Variants in FSTL4 observed in about 807,000 individuals in gnomAD.
FSTL4 encodes the protein follistatin-related protein 4.
FSTL4 carries 28 observed loss-of-function variants against 78.2 expected under a neutral mutation model. The ratio of observed to expected loss-of-function variants is 0.36; its 90% CI spans 0.27 to 0.49. FSTL4 has a LOEUF of 0.49. Among genes scored for constraint, FSTL4 ranks in the 20% least tolerant of loss-of-function variants. The pLI is 0.98. For missense variants in FSTL4, 922 were observed against 1,084.9 expected (o/e 0.85, Z 2.11); for synonymous variants, 422 against 440.5 (o/e 0.96, Z 0.53).
intron 7 of FSTL4, among the ~76,000 whole-genome samples, chr5:133,241,660 T>C (rs374270756): frequency 6.6e-6 from 1 of 152,188 alleles, no homozygotes. Flanking sequence ...GCTAATTAGC[T>C]TGGCATCCCC....
At chr5:133,655,791 T>C in the FSTL4 span, among the ~76,000 whole-genome samples, 2 of 152,150 alleles carry the variant, frequency 1.3e-5, no homozygotes, top group African/African-American at 4.8e-5. Context: ...GCAAAAGATG[T>C]TTATGGAGTG....
intron 4 of FSTL4, among the ~76,000 whole-genome samples, chr5:133,349,295 C>CTCTCTGTG (rs11269337): frequency 0.016 from 2,234 of 139,724 alleles, 52 homozygotes; most frequent in African/African-American, 0.046. Context: ...GCCTCTCTCT[C>CTCTCTGTG]TGTGTGTGTG....
the FSTL4 span, among the ~76,000 whole-genome samples, chr5:133,706,843 G>A: frequency 2.0e-5 from 3 of 152,116 alleles, no homozygotes; most frequent in African/African-American, 7.2e-5. Flanking sequence ...TGACATGGAG[G>A]AGGAGCGGTA....
At chr5:133,548,463 T>A (rs2112926188) in intron 3 of FSTL4, among the ~76,000 whole-genome samples, 1 of 152,120 alleles carries the variant, frequency 6.6e-6, no homozygotes, top group Admixed American at 6.5e-5. Context: ...AAGAATCATA[T>A]CCTAGGAATA....
chr5:133,471,472 G>C (rs963984103), intron 3 of FSTL4, among the ~76,000 whole-genome samples: 1 of 152,146 alleles, frequency 6.6e-6, no homozygotes, highest in East Asian at 1.9e-4. Flanking sequence ...AATTCTCATG[G>C]ATGGGATTGG....
In FSTL4 at chr5:133,225,082, G is replaced by A. The variant is rs72803107; in HGVS notation, c.1312+68C>T. On this transcript the variant is annotated intron_variant, in intron 10 of 15. Coordinates refer to ENST00000265342, the MANE Select transcript of FSTL4 (RefSeq NM_015082.2). This position sits in a 1 kb window ranked among gnomAD's most constrained non-coding sequence, Gnocchi z 4.6. Reference sequence around the variant, plus strand: ...TGGCAGCTGTGGCCCTGGTCAATTGGTGCCCTCCCTTGCCACCCAACACCT... The same window carrying A: ...TGGCAGCTGTGGCCCTGGTCAATTGATGCCCTCCCTTGCCACCCAACACCT... The A allele has an allele frequency of 0.012, 19,319 of 1,584,206 alleles. 167 individuals are homozygous for A. Among genetic ancestry groups the A allele is most frequent in the Non-Finnish European group, 0.014 (16,413 of 1,155,274 alleles).
the FSTL4 span, among the ~76,000 whole-genome samples, chr5:133,769,690 T>C: frequency 2.6e-5 from 4 of 152,196 alleles, no homozygotes; most frequent in African/African-American, 9.7e-5. Context: ...AAAAATTACA[T>C]AAACTAATTC....
chr5:133,377,886 A>C lies in FSTL4; in HGVS notation c.409+22852T>G, dbSNP rs111554936. ...ACAAAGACAAAGAGAAAAATTTGAA[A>C]GCAGCAACAATTTTTTTTTTTACTC... is the stretch of plus-strand genomic sequence containing the variant. On this transcript the variant is annotated intron_variant, in intron 4 of 15. Coordinates refer to ENST00000265342, the MANE Select transcript of FSTL4 (RefSeq NM_015082.2). Among the ~76,000 whole-genome samples the C allele has an allele frequency of 1.5e-3, 233 of 152,014 alleles. 2 individuals are homozygous for C. Among genetic ancestry groups the C allele is most frequent in the African/African-American group, 5.3e-3 (219 of 41,284 alleles).
chr5:133,805,916 C>T, the FSTL4 span, among the ~76,000 whole-genome samples: 1 of 152,206 alleles, frequency 6.6e-6, no homozygotes, highest in African/African-American at 2.4e-5. Flanking sequence ...ACTGAGTTAA[C>T]ACCACAGTCA....
chr5:133,276,740 G>A (rs10069497), intron 6 of FSTL4, among the ~76,000 whole-genome samples: 103,365 of 152,158 alleles, frequency 0.68, 36,981 homozygotes, highest in African/African-American at 0.91. Context: ...TTCTGACAGA[G>A]ATGCATACCA....
rs769808095 is a variant in FSTL4, at chr5:133,201,941, G to A, written c.1818C>T (p.Asn606=). The A allele has an allele frequency of 8.2e-6, 13 of 1,594,030 alleles. No individual in the cohort carries two copies. The African/African-American group carries it at 1.7e-4, about 21-fold the overall frequency. The part of the protein sequence containing the change: ...FFIPPTNLII[N]HIRFGFIFNK... Reference sequence around the variant, plus strand: ...TCATGGGCCAGTCTCACCTGATGTGGTTGATGATGAGGTTTGTTGGGGGAA... The same window carrying A: ...TCATGGGCCAGTCTCACCTGATGTGATTGATGATGAGGTTTGTTGGGGGAA... Residue 606 remains asparagine (N), a synonymous_variant, in exon 15 of 16, where the codon AAC becomes AAT. Coordinates refer to ENST00000265342, the MANE Select transcript of FSTL4 (RefSeq NM_015082.2).
At chr5:133,377,561 C>T in intron 4 of FSTL4, among the ~76,000 whole-genome samples, 1 of 151,820 alleles carries the variant, frequency 6.6e-6, no homozygotes, top group East Asian at 1.9e-4. Context: ...AGGCTGGTAG[C>T]TCCATGAGAG....
At chr5:133,829,901 G>T in the FSTL4 span, among the ~76,000 whole-genome samples, 1 of 152,036 alleles carries the variant, frequency 6.6e-6, no homozygotes, top group South Asian at 2.1e-4. Flanking sequence ...AGATGCTCTG[G>T]GTCTGGGAAT....
the FSTL4 span, among the ~76,000 whole-genome samples, chr5:133,760,518 A>G: frequency 2.0e-5 from 3 of 152,214 alleles, no homozygotes; most frequent in African/African-American, 7.2e-5. Context: ...TGGAGTGTCC[A>G]GACAGGGCGA....
rs1750195701 is a variant in FSTL4 at position 133,198,039 on chromosome 5, C to T, written c.*1056G>A. On this transcript the variant is annotated 3_prime_UTR_variant, in exon 16 of 16. Transcript: ENST00000265342. ...GTACCAGAGAGGAGTGGATGGGCCA[C>T]AGGTAGGAAAACAAAATCTGTTTTG... 2 of 152,596 alleles carry T rather than the reference C, an allele frequency of 1.3e-5. No homozygotes were observed. The highest frequency in any genetic ancestry group is 4.8e-5 in the African/African-American group (2 of 41,392). The allele number at this position is 152,596 out of a possible 1,614,324, so 9.5% of individuals were successfully genotyped here.
chr5:133,469,925 G>A (rs552811155), intron 3 of FSTL4, among the ~76,000 whole-genome samples: 1 of 151,928 alleles, frequency 6.6e-6, no homozygotes, highest in East Asian at 1.9e-4. Flanking sequence ...CGCTATATGT[G>A]GAAAACTCTC....
At chr5:133,681,922 G>A in the FSTL4 span, among the ~76,000 whole-genome samples, 4 of 152,146 alleles carry the variant, frequency 2.6e-5, no homozygotes, top group African/African-American at 9.7e-5. Flanking sequence ...CAACCACCAA[G>A]CCACACTCAG....
At chr5:133,499,470 C>T (rs1233317373) in intron 3 of FSTL4, among the ~76,000 whole-genome samples, 1 of 151,616 alleles carries the variant, frequency 6.6e-6, no homozygotes, top group African/African-American at 2.4e-5. Context: ...ATCTGTGATC[C>T]GGGCTCTGAG....
chr5:133,623,234 T>C, the FSTL4 span, among the ~76,000 whole-genome samples: 5 of 152,004 alleles, frequency 3.3e-5, no homozygotes, highest in Non-Finnish European at 5.9e-5. Context: ...AAGAACAAAG[T>C]CAAAGGGCTC....
Sources: gnomAD v4.1 joint callset for allele counts (sites outside exome capture counted in the v4.1 genomes callset) on GRCh38, gnomAD v4.1.1 for gene constraint, Gnocchi (gnomAD v3.1) non-coding constraint, MANE v1.5 for transcripts, NCBI Gene and HGNC (gene_info 2026-07-23, HGNC 2026-07-21) for gene names.